PTPRG: variants seen among roughly 807,000 people sequenced by gnomAD.
PTPRG encodes protein tyrosine phosphatase receptor type G.
A neutral mutation model predicts 165.3 loss-of-function variants in PTPRG; 102 were observed. The observed-to-expected ratio is 0.62, with a 90% CI of 0.53 to 0.73. The LOEUF (loss-of-function observed/expected upper bound fraction) is 0.73, where lower values mean the gene tolerates loss of function less well. Among genes scored for constraint, PTPRG ranks in the 30% least tolerant of loss-of-function variants. The pLI is 0.00. For missense variants in PTPRG, 1,866 were observed against 1,861.4 expected (o/e 1.00, Z -0.05); for synonymous variants, 675 against 669.5 (o/e 1.01, Z -0.13).
intron 2 of PTPRG, among the ~76,000 whole-genome samples, chr3:61,839,222 A>C (rs1385310631): frequency 2.0e-5 from 3 of 152,340 alleles, no homozygotes; most frequent in East Asian, 3.9e-4. Flanking sequence ...AGCTTATTTA[A>C]TGTGTTAAAT....
At chr3:61,676,125 A>C (rs1278007290) in intron 1 of PTPRG, among the ~76,000 whole-genome samples, 1 of 152,168 alleles carries the variant, frequency 6.6e-6, no homozygotes, top group East Asian at 1.9e-4. Flanking sequence ...ATTTCGCCTT[A>C]GTTAACAAAA....
At chr3:61,953,005 TG>T (rs1421843234) in intron 2 of PTPRG, among the ~76,000 whole-genome samples, 1 of 152,212 alleles carries the variant, frequency 6.6e-6, no homozygotes, top group Non-Finnish European at 1.5e-5. Context: ...ACCATTTTTG[TG>T]GCTTCCAATA....
chr3:61,784,077 G>A (rs551107877), intron 2 of PTPRG, among the ~76,000 whole-genome samples: 69 of 152,290 alleles, frequency 4.5e-4, no homozygotes, highest in South Asian at 1.2e-3. Flanking sequence ...AAAACCAAGA[G>A]GAACCTGCAT....
chr3:62,230,411 A>G (rs565254860), intron 13 of PTPRG, among the ~76,000 whole-genome samples: 1 of 152,342 alleles, frequency 6.6e-6, no homozygotes, highest in East Asian at 1.9e-4. Flanking sequence ...GAACTTCCAT[A>G]TATCTGAGTT....
intron 15 of PTPRG, among the ~76,000 whole-genome samples, chr3:62,248,426 A>G (rs984126769): frequency 1.4e-4 from 21 of 152,344 alleles, no homozygotes; most frequent in Admixed American, 7.8e-4. Flanking sequence ...AATTGAATGC[A>G]GTAACACAGC....
chr3:61,775,170 A>G (rs2034334456), intron 2 of PTPRG, among the ~76,000 whole-genome samples: 1 of 152,090 alleles, frequency 6.6e-6, no homozygotes, highest in African/African-American at 2.4e-5. Flanking sequence ...TCCCAGGTTC[A>G]ATTGATTCTC....
At chr3:61,852,316 G>T (rs1212042061) in intron 2 of PTPRG, among the ~76,000 whole-genome samples, 1 of 152,092 alleles carries the variant, frequency 6.6e-6, no homozygotes, top group Non-Finnish European at 1.5e-5. Context: ...TTGTAATAAG[G>T]ATTATTTTGA....
At chr3:61,651,261 G>C (rs919935046) in intron 1 of PTPRG, among the ~76,000 whole-genome samples, 2 of 151,684 alleles carry the variant, frequency 1.3e-5, no homozygotes, top group Non-Finnish European at 2.9e-5. Flanking sequence ...AGTTGATTAA[G>C]TTCTTGTGTA....
intron 1 of PTPRG, among the ~76,000 whole-genome samples, chr3:61,663,740 G>A (rs1195315090): frequency 6.6e-6 from 1 of 152,210 alleles, no homozygotes; most frequent in Admixed American, 6.5e-5. Context: ...ATGGGAGACA[G>A]TGACAGATCA....
intron 5 of PTPRG, among the ~76,000 whole-genome samples, chr3:62,125,709 G>A (rs1243759406): frequency 1.4e-5 from 2 of 142,054 alleles, no homozygotes; most frequent in Admixed American, 7.3e-5. Context: ...AAATTCAAAC[G>A]TCATGACAAT....
chr3:61,817,332 G>T (rs1186400160), intron 2 of PTPRG, among the ~76,000 whole-genome samples: 1 of 147,770 alleles, frequency 6.8e-6, no homozygotes, highest in South Asian at 2.1e-4. Flanking sequence ...GAAAACATTG[G>T]TAGGGGGAGA....
chr3:62,053,098 G>A (rs1700515383), intron 4 of PTPRG, among the ~76,000 whole-genome samples: 1 of 151,796 alleles, frequency 6.6e-6, no homozygotes. Flanking sequence ...CATTCCTCTG[G>A]CTTTGATTTT....
At chr3:61,821,956 A>G (rs1351627405) in intron 2 of PTPRG, among the ~76,000 whole-genome samples, 31 of 152,238 alleles carry the variant, frequency 2.0e-4, no homozygotes, top group Non-Finnish European at 2.9e-5. Context: ...AGCATAAGCT[A>G]GCAATTTAAC....
rs959539974 is a variant in PTPRG, at chr3:62,228,228, CAA to C, written c.2289-2995_2289-2994del. Among the ~76,000 whole-genome samples the C allele has an allele frequency of 6.6e-6, 1 of 151,964 alleles. No individual in the cohort carries two copies. The highest frequency in any genetic ancestry group is 2.4e-5 in the African/African-American group (1 of 41,418). ...TGTTTGGACTGTATTTTTTACAAAA[CAA>C]AGAAAAAGGAGGCTGGGCGCGGTGG... is the stretch of plus-strand genomic sequence containing the variant. On this transcript the variant is annotated intron_variant, in intron 13 of 29. Coordinates refer to ENST00000474889, the MANE Select transcript of PTPRG (RefSeq NM_002841.4). This position sits in a 1 kb window ranked among gnomAD's most constrained non-coding sequence, Gnocchi z 4.1.
At chr3:61,808,312 T>C (rs2035475198) in intron 2 of PTPRG, among the ~76,000 whole-genome samples, 1 of 152,200 alleles carries the variant, frequency 6.6e-6, no homozygotes, top group Non-Finnish European at 1.5e-5. Flanking sequence ...TGTTAAGATG[T>C]GGAGTGAACT....
intron 2 of PTPRG, among the ~76,000 whole-genome samples, chr3:61,845,446 A>C (rs1418854763): frequency 6.6e-6 from 1 of 152,214 alleles, no homozygotes; most frequent in African/African-American, 2.4e-5. Context: ...TCCACTGGGA[A>C]GATGTCTATT....
intron 1 of PTPRG, among the ~76,000 whole-genome samples, chr3:61,582,348 A>C (rs1244222287): frequency 1.3e-5 from 2 of 152,144 alleles, no homozygotes; most frequent in African/African-American, 4.8e-5. Flanking sequence ...ATTATATCTA[A>C]ATGATAAAAA....
intron 2 of PTPRG, among the ~76,000 whole-genome samples, chr3:61,985,540 G>T (rs1249459411): frequency 6.6e-6 from 1 of 152,158 alleles, no homozygotes; most frequent in Non-Finnish European, 1.5e-5. Context: ...TGGTATCTGG[G>T]TACCTCATTG....
intron 1 of PTPRG, among the ~76,000 whole-genome samples, chr3:61,719,746 A>G (rs887838913): frequency 2.0e-5 from 3 of 152,154 alleles, no homozygotes; most frequent in Non-Finnish European, 2.9e-5. Context: ...CAGGGCTTAC[A>G]GTTAGGTTGA....
Sources: allele counts gnomAD v4.1 joint callset (sites outside exome capture counted in the v4.1 genomes callset), GRCh38; gene constraint gnomAD v4.1.1; non-coding constraint Gnocchi (gnomAD v3.1); transcripts MANE v1.5; gene names NCBI Gene and HGNC (gene_info 2026-07-23, HGNC 2026-07-21).